The following TRHDE variants were observed in gnomAD, a reference collection of about 807,000 sequenced individuals.
The protein encoded by TRHDE is thyrotropin releasing hormone degrading enzyme, also known as thyrotropin-releasing hormone-degrading ectoenzyme.
In TRHDE, 72 loss-of-function variants were observed where a neutral mutation model predicts 125.7. That is an observed-to-expected ratio of 0.57 (90% CI 0.47 to 0.70). TRHDE has a LOEUF of 0.70. Among genes scored for constraint, TRHDE ranks in the 30% least tolerant of loss-of-function variants. TRHDE has a pLI of 0.00. For synonymous variants in TRHDE, 509 were observed against 509.1 expected, an observed-to-expected ratio of 1.00 and a Z score of 0.00; for missense variants, 1,110 against 1,327.1, an observed-to-expected ratio of 0.84 and a Z score of 2.54.
chr12:72,331,574 C>T (rs1328967748), intron 2 of TRHDE, among the ~76,000 whole-genome samples: 1 of 152,160 alleles, frequency 6.6e-6, no homozygotes, highest in African/African-American at 2.4e-5. Context: ...GGAAGGGTGG[C>T]ATCAGGTATG....
intron 6 of TRHDE, among the ~76,000 whole-genome samples, chr12:72,517,015 G>A (rs1398491794): frequency 6.6e-6 from 1 of 152,130 alleles, no homozygotes; most frequent in Admixed American, 6.5e-5. Context: ...TGGTGGATAA[G>A]CTTTTTGATG....
intron 5 of TRHDE, among the ~76,000 whole-genome samples, chr12:72,474,261 C>T (rs1052361451): frequency 3.9e-5 from 6 of 152,082 alleles, no homozygotes; most frequent in East Asian, 1.9e-4. Flanking sequence ...ATCTTCTTTA[C>T]TTATTGTTAT....
intron 2 of TRHDE, chr12:72,254,538 A>G (rs1459863147): frequency 6.6e-6 from 1 of 152,232 alleles, no homozygotes; most frequent in East Asian, 1.9e-4. Context: ...CTCTTAGATT[A>G]GTATATCCTT....
intron 12 of TRHDE, among the ~76,000 whole-genome samples, chr12:72,597,754 T>TACAC (rs1484531716): frequency 0.019 from 177 of 9,294 alleles, 2 homozygotes; most frequent in Middle Eastern, 0.045. Context: ...TATATATATA[T>TACAC]ATATGCATAC....
At chr12:72,547,197 T>A (rs1256757189) in intron 7 of TRHDE, among the ~76,000 whole-genome samples, 1 of 151,720 alleles carries the variant, frequency 6.6e-6, no homozygotes, top group Non-Finnish European at 1.5e-5. Flanking sequence ...TTAACTCCTT[T>A]ATTCATCTCT....
chr12:72,203,449 C>T (rs1877602834), intron 2 of TRHDE, among the ~76,000 whole-genome samples: 1 of 151,918 alleles, frequency 6.6e-6, no homozygotes. Context: ...GCCTGGGCGA[C>T]AGAGCGAGAC....
chr12:72,260,797 A>G (rs896667793), intron 2 of TRHDE, among the ~76,000 whole-genome samples: 2 of 152,206 alleles, frequency 1.3e-5, no homozygotes, highest in African/African-American at 4.8e-5. Flanking sequence ...ACGCGTATGA[A>G]GGACAGTATG....
chr12:72,218,619 A>AG (rs1016945446), intron 2 of TRHDE, among the ~76,000 whole-genome samples: 4 of 152,114 alleles, frequency 2.6e-5, no homozygotes, highest in Non-Finnish European at 4.4e-5. Flanking sequence ...GGAGGCTCTA[A>AG]GGGGGATGCA....
At chr12:72,537,025 C>A (rs559350299) in intron 6 of TRHDE, among the ~76,000 whole-genome samples, 4 of 151,986 alleles carry the variant, frequency 2.6e-5, no homozygotes, top group Non-Finnish European at 5.9e-5. Flanking sequence ...CATCTAAATT[C>A]GTTTAAATTA....
At chr12:72,550,066 C>G (rs1869604555) in intron 7 of TRHDE, among the ~76,000 whole-genome samples, 4 of 151,814 alleles carry the variant, frequency 2.6e-5, no homozygotes, top group Middle Eastern at 6.8e-3. Flanking sequence ...TAGTTAAGGG[C>G]TCAAGATGTA....
At chr12:72,413,943 A>G (rs895366833) in intron 3 of TRHDE, among the ~76,000 whole-genome samples, 6 of 152,246 alleles carry the variant, frequency 3.9e-5, no homozygotes, top group African/African-American at 1.4e-4. Context: ...AATTGCAACA[A>G]TAAAATGAGA....
intron 3 of TRHDE, among the ~76,000 whole-genome samples, chr12:72,378,422 ATT>A (rs919282806): frequency 3.3e-5 from 5 of 152,168 alleles, no homozygotes; most frequent in African/African-American, 1.2e-4. Flanking sequence ...CCAACATCAT[ATT>A]TAATCAGTAA....
intron 3 of TRHDE, among the ~76,000 whole-genome samples, chr12:72,463,825 A>G (rs889364826): frequency 6.6e-6 from 1 of 152,212 alleles, no homozygotes; most frequent in African/African-American, 2.4e-5. Context: ...CTAGCTTACA[A>G]GATTATTCAT....
chr12:72,292,173 C>T (rs1023905193), intron 2 of TRHDE, among the ~76,000 whole-genome samples: 1 of 152,078 alleles, frequency 6.6e-6, no homozygotes, highest in Non-Finnish European at 1.5e-5. Flanking sequence ...CTTTATAAAG[C>T]CTTTTGCCTT....
chr12:72,459,753 A>T (rs1430060903), intron 3 of TRHDE, among the ~76,000 whole-genome samples: 2 of 152,056 alleles, frequency 1.3e-5, no homozygotes, highest in Admixed American at 1.3e-4. Flanking sequence ...CAAAGTAGCT[A>T]GGACTACAGG....
At chr12:72,133,033 T>C (rs1875899792) in intron 2 of TRHDE, among the ~76,000 whole-genome samples, 1 of 152,092 alleles carries the variant, frequency 6.6e-6, no homozygotes, top group African/African-American at 2.4e-5. Flanking sequence ...GGAAGTGGTG[T>C]AAGATGAGTC....
chr12:72,386,588 C>T (rs1197652579), intron 3 of TRHDE, among the ~76,000 whole-genome samples: 2 of 152,148 alleles, frequency 1.3e-5, no homozygotes, highest in East Asian at 1.9e-4. Context: ...TGCACATTCA[C>T]TCCAGCTACT....
At chr12:72,613,926 A>G (rs1872717025) in intron 12 of TRHDE, among the ~76,000 whole-genome samples, 1 of 152,138 alleles carries the variant, frequency 6.6e-6, no homozygotes, top group Admixed American at 6.6e-5. Context: ...GATGTAAAGG[A>G]ACAATAGTGC....
intron 2 of TRHDE, among the ~76,000 whole-genome samples, chr12:72,317,804 C>A (rs113252595): frequency 2.6e-5 from 4 of 152,056 alleles, no homozygotes; most frequent in Middle Eastern, 3.4e-3. Context: ...GAACATTCAA[C>A]GGATAACAAT....
Sources: gnomAD v4.1 joint callset for allele counts (sites outside exome capture counted in the v4.1 genomes callset) on GRCh38, gnomAD v4.1.1 for gene constraint, MANE v1.5 for transcripts, NCBI Gene and HGNC (gene_info 2026-07-23, HGNC 2026-07-21) for gene names.